DIP2B: variants seen among roughly 807,000 people sequenced by gnomAD.
The protein encoded by DIP2B is disco-interacting protein 2 homolog B.
DIP2B carries 76 observed loss-of-function variants against 198.0 expected under a neutral mutation model. The observed-to-expected ratio is 0.38, with a 90% CI of 0.32 to 0.46. The LOEUF (loss-of-function observed/expected upper bound fraction) is 0.46. DIP2B is among the 20% of genes least tolerant of loss of function. DIP2B has a pLI of 0.99. For synonymous variants in DIP2B, 701 were observed against 739.1 expected (o/e 0.95, Z 0.84); for missense variants, 1,559 against 1,978.4 (o/e 0.79, Z 4.02).
chr12:50,676,429 A>T lies in DIP2B; in HGVS notation c.916+981A>T, dbSNP rs376268963. On this transcript the variant is annotated intron_variant, in intron 7 of 37. Coordinates refer to ENST00000301180, the MANE Select transcript of DIP2B (RefSeq NM_173602.3). The stretch of plus-strand genomic sequence containing the variant: ...CCTGACATATGAGGTTAAGATGAGT[A>T]TCTGTTTTTTTAGGAATCACTAAAC... 2.0e-5 allele frequency among the ~76,000 whole-genome samples: 3 copies of T among 152,206 alleles called. No individual in the cohort carries two copies. The South Asian group carries it at 6.2e-4, about 32-fold the overall frequency.
intron 3 of DIP2B, among the ~76,000 whole-genome samples, chr12:50,648,077 G>A (rs1325114576): frequency 2.0e-5 from 3 of 152,054 alleles, no homozygotes; most frequent in Admixed American, 6.6e-5. Context: ...CTGCACTCCA[G>A]CCTAGGCGAC....
intron 1 of DIP2B, among the ~76,000 whole-genome samples, chr12:50,563,260 C>T (rs1167956869): frequency 6.6e-6 from 1 of 152,118 alleles, no homozygotes; most frequent in African/African-American, 2.4e-5. Context: ...GATCTTGGCT[C>T]ACTGCAGTCT....
At chr12:50,695,547 A>T (rs1433131950) in intron 15 of DIP2B, among the ~76,000 whole-genome samples, 187 bp downstream of exon 15, 2 of 152,092 alleles carry the variant, frequency 1.3e-5, no homozygotes, top group Admixed American at 6.6e-5. Flanking sequence ...ATTGAGATGA[A>T]TTTTTTCCAA....
At chr12:50,636,222 T>G (rs566387530) in intron 2 of DIP2B, among the ~76,000 whole-genome samples, 1 of 152,360 alleles carries the variant, frequency 6.6e-6, no homozygotes, top group African/African-American at 2.4e-5. Context: ...AAATACTCGG[T>G]AGGCAATGTG....
At chr12:50,729,798 C>T (rs900960180) in intron 30 of DIP2B, among the ~76,000 whole-genome samples, 3 of 149,640 alleles carry the variant, frequency 2.0e-5, no homozygotes, top group South Asian at 2.1e-4. Flanking sequence ...GGTGCAGTCT[C>T]GGCTCACTGC....
intron 1 of DIP2B, among the ~76,000 whole-genome samples, chr12:50,594,998 GT>G (rs1451033246): frequency 6.6e-6 from 1 of 152,148 alleles, no homozygotes; most frequent in Non-Finnish European, 1.5e-5. Context: ...GTAGTACTAT[GT>G]GCTTTGACAT....
chr12:50,668,020 G>A (rs1227350309), intron 4 of DIP2B, among the ~76,000 whole-genome samples: 1 of 152,172 alleles, frequency 6.6e-6, no homozygotes, highest in African/African-American at 2.4e-5. Context: ...ATGACTATCA[G>A]TCTTGCATCT....
rs542648389 is a variant in DIP2B, at chr12:50,590,589, C to T, written c.101-35387C>T. Reference sequence around the variant, plus strand: ...TTCACCATGTTGGCCAGGCTGGTCTCGAACTCTTGACCTTGTGATCTACCC... The same window carrying T: ...TTCACCATGTTGGCCAGGCTGGTCTTGAACTCTTGACCTTGTGATCTACCC... On this transcript the variant is annotated intron_variant, in intron 1 of 37. Coordinates refer to ENST00000301180, the MANE Select transcript of DIP2B (RefSeq NM_173602.3). 8.5e-5 allele frequency among the ~76,000 whole-genome samples: 13 copies of T among 152,150 alleles called. No individual in the cohort carries two copies. In the South Asian group the frequency reaches 1.5e-3, roughly 17 times the overall value.
At chr12:50,549,697 TAAA>T (rs56326368) in intron 1 of DIP2B, among the ~76,000 whole-genome samples, 15 of 64,788 alleles carry the variant, frequency 2.3e-4, no homozygotes, top group Admixed American at 1.1e-3. Context: ...GACTCCATCT[TAAA>T]AAAAAAAAAA....
rs1375082761 is a variant in DIP2B at position 50,549,837 on chromosome 12, A to G, written c.100+44597A>G. On this transcript the variant is annotated intron_variant, in intron 1 of 37. Transcript: ENST00000301180. ...AGATAGCTTAAGTCTGTGTGCACAAAATTATGTTTCATTCTGTTAAATTTT... is the reference window on the plus strand; with the variant it reads ...AGATAGCTTAAGTCTGTGTGCACAAGATTATGTTTCATTCTGTTAAATTTT... Among the ~76,000 whole-genome samples the G allele has an allele frequency of 2.0e-5, 3 of 152,072 alleles. No individual in the cohort carries two copies. In the South Asian group the frequency reaches 6.2e-4, roughly 32 times the overall value.
At chr12:50,671,890 AG>A (rs1938862090) in intron 5 of DIP2B, among the ~76,000 whole-genome samples, 1 of 152,322 alleles carries the variant, frequency 6.6e-6, no homozygotes, top group Non-Finnish European at 1.5e-5. Flanking sequence ...TGGAGTGTGC[AG>A]GCCGAGGATA....
chr12:50,727,151 G>T lies in DIP2B; in HGVS notation c.3401-552G>T, dbSNP rs554288218. Among the ~76,000 whole-genome samples, 175 of 152,254 alleles carry T rather than the reference G, an allele frequency of 1.1e-3. 1 individual carries two copies. The highest frequency in any genetic ancestry group is 4.2e-3 in the African/African-American group (173 of 41,562). On this transcript the variant is annotated intron_variant, in intron 28 of 37. Coordinates refer to ENST00000301180, the MANE Select transcript of DIP2B (RefSeq NM_173602.3). ...AAAAAATCTGCTAATTTAACTTAGA[G>T]AAATACTTTCCAACTTTTAAATCCA...
At chr12:50,532,103 T>C (rs1023337170) in intron 1 of DIP2B, among the ~76,000 whole-genome samples, 1 of 152,178 alleles carries the variant, frequency 6.6e-6, no homozygotes, top group African/African-American at 2.4e-5. Context: ...ACTCCTTTTC[T>C]GCTGAAACAG....
intron 25 of DIP2B, among the ~76,000 whole-genome samples, chr12:50,720,273 A>T (rs1939810768): frequency 6.6e-6 from 1 of 151,924 alleles, no homozygotes. Context: ...AGTCAGCTGA[A>T]TTTTTGTGTT....
At chr12:50,683,503 C>T (rs1027351115) in intron 10 of DIP2B, among the ~76,000 whole-genome samples, 15 of 152,034 alleles carry the variant, frequency 9.9e-5, no homozygotes, top group Admixed American at 4.6e-4. Context: ...GGGGCGAGGC[C>T]GGGCGCAGTG....
chr12:50,590,378 T>C (rs960423683), intron 1 of DIP2B, among the ~76,000 whole-genome samples: 8 of 151,656 alleles, frequency 5.3e-5, no homozygotes, highest in Admixed American at 3.3e-4. Flanking sequence ...TTTTTTTTTT[T>C]CTTTTTCCTG....
At chr12:50,588,041 A>G (rs1267476535) in intron 1 of DIP2B, among the ~76,000 whole-genome samples, 2 of 152,242 alleles carry the variant, frequency 1.3e-5, no homozygotes, top group Non-Finnish European at 2.9e-5. Flanking sequence ...AAGCAAAGCT[A>G]GACTTAAATG....
intron 1 of DIP2B, among the ~76,000 whole-genome samples, chr12:50,607,833 A>G (rs10783380): frequency 0.73 from 110,402 of 152,108 alleles, 40,794 homozygotes; most frequent in East Asian, 1. Context: ...TCAGTCTGTC[A>G]CCCAGGCTGG....
chr12:50,582,297 C>T lies in DIP2B; in HGVS notation c.101-43679C>T, dbSNP rs147852944. Among the ~76,000 whole-genome samples, 427 of 151,690 alleles carry T rather than the reference C, an allele frequency of 2.8e-3. 4 individuals carry two copies. Among genetic ancestry groups the T allele is most frequent in the Admixed American group, 0.021 (323 of 15,198 alleles). On this transcript the variant is annotated intron_variant, in intron 1 of 37. Coordinates refer to ENST00000301180, the MANE Select transcript of DIP2B (RefSeq NM_173602.3). ...CTCCAAGTAGCTGGGATTACAGGTG[C>T]GCACCACCACGCCTGGCTAATTTTG... is the stretch of plus-strand genomic sequence containing the variant.
Sources: allele counts gnomAD v4.1 joint callset (sites outside exome capture counted in the v4.1 genomes callset), GRCh38; gene constraint gnomAD v4.1.1; transcripts MANE v1.5; gene names NCBI Gene and HGNC (gene_info 2026-07-23, HGNC 2026-07-21).